ANKIB1: variants seen among roughly 807,000 people sequenced by gnomAD.
ANKIB1 encodes ankyrin repeat and IBR domain containing 1, also known as ankyrin repeat and IBR domain-containing protein 1.
A neutral mutation model predicts 122.1 loss-of-function variants in ANKIB1; 43 were observed. That is an observed-to-expected ratio of 0.35 (90% confidence interval 0.28 to 0.45). ANKIB1 has a LOEUF of 0.45. Among genes scored for constraint, ANKIB1 ranks in the 20% least tolerant of loss-of-function variants. The probability of loss-of-function intolerance (pLI) is 1.00; values close to 1 mark genes in which losing one functional copy is unlikely to be tolerated. For missense variants in ANKIB1, 992 were observed against 1,329.5 expected (o/e 0.75, Z 3.95); for synonymous variants, 390 against 442.0 (o/e 0.88, Z 1.48).
intron 19 of ANKIB1, 23 bp from the exon 20 acceptor site, chr7:92,398,189 G>C: frequency 6.5e-7 from 1 of 1,543,698 alleles, no homozygotes; most frequent in South Asian, 1.3e-5. Context: ...ATTTTAAAGT[G>C]GTTTTGCTTT....
At chr7:92,348,166 A>T (rs1803580366) in intron 7 of ANKIB1, 10 of 263,440 alleles carry the variant, frequency 3.8e-5, no homozygotes, top group South Asian at 3.8e-4. Flanking sequence ...TCAGTTCTGT[A>T]ATTTAATTCC....
At chr7:92,261,940 A>G (rs964691015) in intron 1 of ANKIB1, among the ~76,000 whole-genome samples, 2 of 152,224 alleles carry the variant, frequency 1.3e-5, no homozygotes, top group African/African-American at 4.8e-5. Context: ...TTCAGGATGT[A>G]GGGAAGCGCA....
chr7:92,386,520 CTT>C lies in ANKIB1; in HGVS notation c.1632_1633del (p.Phe544LeufsTer6). 1 of 1,594,314 alleles carries C rather than the reference CTT, an allele frequency of 6.3e-7. No homozygotes were observed. The highest frequency in any genetic ancestry group is 8.5e-7 in the Non-Finnish European group (1 of 1,172,136). The part of the protein sequence containing the change: ...HMQCAKCKYD[F>X]CWICLEEWKK... ...GTTTTCTTTTGAAGTGCAAGTATGA[CTT>C]TTGCTGGATTTGCCTTGAAGAGTGG... is the stretch of plus-strand genomic sequence containing the variant. On this transcript the variant is annotated frameshift_variant, in exon 12 of 20. Coordinates refer to ENST00000265742, the MANE Select transcript of ANKIB1 (RefSeq NM_019004.2). LOFTEE classifies it high-confidence loss of function.
chr7:92,339,284 C>G (rs1286525936), intron 5 of ANKIB1, among the ~76,000 whole-genome samples: 1 of 151,708 alleles, frequency 6.6e-6, no homozygotes, highest in African/African-American at 2.4e-5. Flanking sequence ...CCTGGTGATC[C>G]GCCCGCCTTG....
At chr7:92,257,944 C>T (rs1801483529) in intron 1 of ANKIB1, among the ~76,000 whole-genome samples, 1 of 152,100 alleles carries the variant, frequency 6.6e-6, no homozygotes, top group East Asian at 1.9e-4. Context: ...GGTGTGTTTG[C>T]CATGTGGTGA....
intron 10 of ANKIB1, among the ~76,000 whole-genome samples, chr7:92,370,228 G>A (rs1804205341): frequency 6.6e-6 from 1 of 152,002 alleles, no homozygotes; most frequent in Admixed American, 6.6e-5. Flanking sequence ...GGTAATGGGG[G>A]CCGGGCACGG....
chr7:92,340,305 G>A (rs1261215921), intron 5 of ANKIB1, among the ~76,000 whole-genome samples: 1 of 152,188 alleles, frequency 6.6e-6, no homozygotes, highest in East Asian at 1.9e-4. Context: ...AAAGGAATTA[G>A]CCTTACCAGA....
intron 9 of ANKIB1, among the ~76,000 whole-genome samples, chr7:92,358,822 T>C (rs901127501): frequency 4.6e-5 from 7 of 152,202 alleles, no homozygotes; most frequent in African/African-American, 1.7e-4. Flanking sequence ...GGGCTTTTTT[T>C]TCTAGCTTTA....
chr7:92,287,753 A>G (rs933824750), intron 1 of ANKIB1, among the ~76,000 whole-genome samples: 1 of 152,248 alleles, frequency 6.6e-6, no homozygotes, highest in Admixed American at 6.5e-5. Flanking sequence ...GGAAAAAAAA[A>G]GGCCAGGCGT....
chr7:92,314,559 G>A (rs958936159), intron 3 of ANKIB1, among the ~76,000 whole-genome samples: 12 of 152,266 alleles, frequency 7.9e-5, no homozygotes, highest in Admixed American at 2.6e-4. Flanking sequence ...AAATCCCAAA[G>A]GGATTCTTAT....
In ANKIB1 at chr7:92,327,785, A is replaced by G. The variant is rs1285267517; in HGVS notation, c.672A>G (p.Pro224=). ...AEYAALDKRE[P]YEGLRPQDLR... is the part of the protein sequence containing the mutation. ...CTTTATTTTTTTTCTTTTCAAAGCC[A>G]TATGAAGGATTAAGGCCTCAGGATC... Residue 224 remains proline (P), a splice_region_variant and synonymous_variant, in exon 5 of 20, where the codon CCA becomes CCG. Coordinates refer to ENST00000265742, the MANE Select transcript of ANKIB1 (RefSeq NM_019004.2). 4 of 1,551,678 alleles carry G rather than the reference A, an allele frequency of 2.6e-6. No homozygotes were observed. Among genetic ancestry groups the G allele is most frequent in the Non-Finnish European group, 3.5e-6 (4 of 1,155,564 alleles).
chr7:92,345,799 T>C (rs1333891237), intron 7 of ANKIB1, among the ~76,000 whole-genome samples: 1 of 144,268 alleles, frequency 6.9e-6, no homozygotes, highest in Admixed American at 7.0e-5. Context: ...GTTTTTAACC[T>C]TTTTTTTTTT....
chr7:92,335,173 C>T (rs1003903010), intron 5 of ANKIB1, among the ~76,000 whole-genome samples: 5 of 151,754 alleles, frequency 3.3e-5, no homozygotes, highest in Non-Finnish European at 4.4e-5. Context: ...TCCATTGCCT[C>T]ATCTGTTATT....
At chr7:92,267,177 G>A (rs983856128) in intron 1 of ANKIB1, among the ~76,000 whole-genome samples, 2 of 152,188 alleles carry the variant, frequency 1.3e-5, no homozygotes, top group Non-Finnish European at 2.9e-5. Flanking sequence ...TAGTAGCTAC[G>A]TGTGGGATAT....
At chr7:92,350,227 C>G (rs1478304560) in intron 7 of ANKIB1, among the ~76,000 whole-genome samples, 9 of 152,020 alleles carry the variant, frequency 5.9e-5, no homozygotes, top group Non-Finnish European at 1.0e-4. Flanking sequence ...TTAATGCCAT[C>G]CCAAAATATC....
chr7:92,350,599 T>A (rs958088084), intron 7 of ANKIB1, among the ~76,000 whole-genome samples: 2 of 152,198 alleles, frequency 1.3e-5, no homozygotes, highest in African/African-American at 4.8e-5. Flanking sequence ...AGTTCACGCA[T>A]ATAACCCCAG....
chr7:92,348,952 A>G (rs1451569858), intron 7 of ANKIB1, among the ~76,000 whole-genome samples: 7 of 152,226 alleles, frequency 4.6e-5, no homozygotes, highest in Non-Finnish European at 1.0e-4. Flanking sequence ...TAGCAGCCAG[A>G]TGCTACAGAT....
chr7:92,377,347 A>C (rs943527010), intron 11 of ANKIB1, among the ~76,000 whole-genome samples: 6 of 152,310 alleles, frequency 3.9e-5, no homozygotes, highest in Admixed American at 1.3e-4. Flanking sequence ...TAAGTTTGCC[A>C]TCTTATATGG....
At chr7:92,253,777 C>T (rs1275057296) in intron 1 of ANKIB1, among the ~76,000 whole-genome samples, 2 of 151,968 alleles carry the variant, frequency 1.3e-5, no homozygotes, top group African/African-American at 2.4e-5. Flanking sequence ...CACACATACA[C>T]ACACCTGTAC....
Sources: gnomAD v4.1 joint callset for allele counts (sites outside exome capture counted in the v4.1 genomes callset) on GRCh38, gnomAD v4.1.1 for gene constraint, MANE v1.5 for transcripts, NCBI Gene and HGNC (gene_info 2026-07-23, HGNC 2026-07-21) for gene names.